Variants in PIK3R2 observed in about 807,000 individuals in gnomAD.
The protein encoded by PIK3R2 is phosphoinositide-3-kinase regulatory subunit 2.
PIK3R2 carries 40 observed loss-of-function variants against 78.5 expected under a neutral mutation model. The ratio of observed to expected loss-of-function variants is 0.51; its 90% CI spans 0.40 to 0.66. The LOEUF is 0.66. Among genes scored for constraint, PIK3R2 ranks in the 30% least tolerant of loss-of-function variants. The pLI is 0.00. For synonymous variants in PIK3R2, 473 were observed against 457.7 expected (o/e 1.03, Z -0.43); for missense variants, 880 against 1,026.6 (o/e 0.86, Z 1.95).
At chr19:18,158,510 C>CA (rs147802007) in intron 2 of PIK3R2, among the ~76,000 whole-genome samples, 8 of 145,002 alleles carry the variant, frequency 5.5e-5, no homozygotes, top group East Asian at 2.1e-4. Flanking sequence ...ACAACAACAA[C>CA]AACAACAAAA....
rs1301577117 is a variant in PIK3R2 at position 18,168,467 on chromosome 19, C to T, written c.1737-8C>T. 1.3e-6 allele frequency: 1 copy of T among 779,716 alleles called. No individual in the cohort carries two copies. 48.3% of individuals were successfully genotyped at this position (779,716 alleles called of 1,614,324 possible). On this transcript the variant is annotated splice_region_variant and splice_polypyrimidine_tract_variant and intron_variant, in intron 13 of 15. Coordinates refer to ENST00000222254, the MANE Select transcript of PIK3R2 (RefSeq NM_005027.4). This position sits in a 1 kb window ranked among gnomAD's most constrained non-coding sequence, Gnocchi z 4.1. ...CTGCACAAGCCCACCTTTCCTGTTC[C>T]TTCTCAGGTGGCTCACCCAGAAAGG... is the stretch of plus-strand genomic sequence containing the variant.
At chr19:18,166,017 G>A in intron 11 of PIK3R2, 143 bp from the exon 12 acceptor site, 1 of 1,030,450 alleles carries the variant, frequency 9.7e-7, no homozygotes, top group Admixed American at 1.7e-5. Flanking sequence ...AGTTCATTTG[G>A]TGCAGCAGGC....
At position 18,160,941 on chromosome 19, in the gene PIK3R2, C is replaced by T. The variant is rs1224299903; in HGVS notation, c.438C>T (p.Tyr146=). 1 of 1,611,726 alleles carries T rather than the reference C, an allele frequency of 6.2e-7. No homozygotes were observed. Among genetic ancestry groups the T allele is most frequent in the Non-Finnish European group, 8.5e-7 (1 of 1,179,408 alleles). ...CAGGGCTGGACAGCGAATCTCACTA[C>T]CGCCCGGAGCTGCCCGCACCGCGTA... ...ERTGLDSESH[Y]RPELPAPRTD... The change falls in exon 4 of 16, where the codon TAC becomes TAT. Residue 146 remains tyrosine (Y), a synonymous_variant. Transcript: ENST00000222254.
At position 18,156,055 on chromosome 19, in the gene PIK3R2, G is replaced by A. The variant is rs2043675857; in HGVS notation, c.176G>A (p.Gly59Asp). 1 of 1,562,438 alleles carries A rather than the reference G, an allele frequency of 6.4e-7. No individual in the cohort carries two copies. The highest frequency in any genetic ancestry group is 1.2e-5 in the South Asian group (1 of 85,250). ...CCACAGAGCGTGGGCTGGATGCCCG[G>A]CCTCAACGAGCGCACACGGCAGCGA... ...RCPQSVGWMP[G>D]LNERTRQRGD... The change falls in exon 2 of 16, where the codon GGC becomes GAC. Residue 59 changes from glycine (G) to aspartate (D), a missense_variant. Gly to Asp is a moderately conservative substitution (Grantham distance 94). Transcript: ENST00000222254. The surrounding 1 kb of genome is among the most constrained non-coding windows in gnomAD (Gnocchi z 4.2).
chr19:18,164,853 C>T (rs1408679781), intron 11 of PIK3R2, among the ~76,000 whole-genome samples: 2 of 144,678 alleles, frequency 1.4e-5, no homozygotes, highest in African/African-American at 2.5e-5. Flanking sequence ...CCAGGCTGGT[C>T]TCGAACTCCT....
In PIK3R2 at chr19:18,161,224, T is replaced by TAGCGGGTG; in HGVS notation, c.598+40_598+47dup. On this transcript the variant is annotated intron_variant, in intron 5 of 15. Coordinates refer to ENST00000222254, the MANE Select transcript of PIK3R2 (RefSeq NM_005027.4). This position sits in a 1 kb window ranked among gnomAD's most constrained non-coding sequence, Gnocchi z 5.3. ...GTAGCCCGGGGGAAGGAGGGGGCTG[T>TAGCGGGTG]AGCGGGTGGGAGGGCCCAGGCCTGG... 2 of 1,523,944 alleles carry TAGCGGGTG rather than the reference T, an allele frequency of 1.3e-6. No homozygotes were observed. The highest frequency in any genetic ancestry group is 1.8e-6 in the Non-Finnish European group (2 of 1,137,842). 94.4% of individuals were successfully genotyped at this position (1,523,944 alleles called of 1,614,324 possible). A position where few individuals can be genotyped will look rare whatever the true frequency, so the allele number is the denominator to read the frequency against.
Position 18,161,542 on chromosome 19 carries a change from TGGGGC to T in PIK3R2, c.815+51_815+55del. ...GAGCGAGCAGGGGTGGAGTTTGGGG[TGGGGC>T]GGGCGGGGCATGGCCAGAGTGAGCG... On this transcript the variant is annotated intron_variant, in intron 6 of 15. Coordinates refer to ENST00000222254, the MANE Select transcript of PIK3R2 (RefSeq NM_005027.4). This position sits in a 1 kb window ranked among gnomAD's most constrained non-coding sequence, Gnocchi z 5.3. The T allele has an allele frequency of 8.9e-6, 1 of 112,436 alleles. No individual in the cohort carries two copies. Among genetic ancestry groups the T allele is most frequent in the Non-Finnish European group, 1.5e-5 (1 of 65,798 alleles). 7.0% of individuals were successfully genotyped at this position (112,436 alleles called of 1,614,324 possible).
intron 2 of PIK3R2, among the ~76,000 whole-genome samples, chr19:18,157,174 G>A (rs1306105266): frequency 2.0e-5 from 3 of 152,188 alleles, no homozygotes. Context: ...GGCGGAATAG[G>A]GGGTGCTGAG....
Position 18,161,122 on chromosome 19 carries a change from C to A in PIK3R2, c.535C>A (p.Leu179Met), listed in dbSNP as rs1378228553. 1.3e-6 allele frequency: 2 copies of A among 1,578,128 alleles called. No homozygotes were observed. The highest frequency in any genetic ancestry group is 1.7e-6 in the Non-Finnish European group (2 of 1,162,914). Residue 179 changes from leucine (L) to methionine (M), a missense_variant, in exon 5 of 16, where the codon CTG (leucine) becomes ATG (methionine). This residue lies in a region of PIK3R2 where 456 missense variants were observed against 486.6 expected (regional missense o/e 0.94). Transcript: ENST00000222254. The surrounding 1 kb of genome is among the most constrained non-coding windows in gnomAD (Gnocchi z 5.3). ...ALADGIKSFL[L>M]ALPAPLVTPE... The stretch of plus-strand genomic sequence containing the variant: ...GGCTGACGGCATTAAGAGCTTCCTG[C>A]TGGCACTGCCCGCGCCGCTCGTGAC...
intron 3 of PIK3R2, 162 bp downstream of exon 3, chr19:18,160,725 G>A (rs2043732837): frequency 1.2e-6 from 1 of 852,644 alleles, no homozygotes; most frequent in African/African-American, 1.7e-5. Context: ...TGACTCCTAA[G>A]GGAAGATGGG....
chr19:18,160,575 C>G lies in PIK3R2; in HGVS notation c.415+12C>G. 6.3e-7 allele frequency: 1 copy of G among 1,596,148 alleles called. No homozygotes were observed. Among genetic ancestry groups the G allele is most frequent in the South Asian group, 1.1e-5 (1 of 90,072 alleles). The stretch of plus-strand genomic sequence containing the variant: ...CATTGAAAGGACAGGTAAGTTCCAG[C>G]CTGGCTGCAGCCCCTGGATTCTGCT... On this transcript the variant is annotated intron_variant, in intron 3 of 15. Transcript: ENST00000222254.
Position 18,162,049 on chromosome 19 carries a change from C to T in PIK3R2, c.899C>T (p.Pro300Leu). The T allele has an allele frequency of 1.2e-6, 2 of 1,613,452 alleles. No individual in the cohort carries two copies. The highest frequency in any genetic ancestry group is 1.7e-6 in the Non-Finnish European group (2 of 1,179,580). The change falls in exon 7 of 16, where the codon CCA becomes CTA. Residue 300 changes from proline to leucine, a missense_variant and splice_region_variant. This residue lies in a region of PIK3R2 where 456 missense variants were observed against 486.6 expected (regional missense o/e 0.94). Transcript: ENST00000222254. ...EHLEEQEVAP[P>L]ALPPKPPKAK... ...TTGGAAGAGCAGGAGGTTGCGCCCC[C>T]AGGTGAGTCCCCTGTATTGCTGTCA...
In PIK3R2 at chr19:18,160,452, C is replaced by T; in HGVS notation, c.323-19C>T. 6.7e-7 allele frequency: 1 copy of T among 1,484,166 alleles called. No homozygotes were observed. Among genetic ancestry groups the T allele is most frequent in the South Asian group, 1.1e-5 (1 of 88,498 alleles). 91.9% of individuals were successfully genotyped at this position (1,484,166 alleles called of 1,614,324 possible). A position where few individuals can be genotyped will look rare whatever the true frequency, so the allele number is the denominator to read the frequency against. On this transcript the variant is annotated intron_variant, in intron 2 of 15. Coordinates refer to ENST00000222254, the MANE Select transcript of PIK3R2 (RefSeq NM_005027.4). The stretch of plus-strand genomic sequence containing the variant: ...CCAGGAACCCCACCAACATGCAACC[C>T]CCCTGTTTCCCCCACCAGGCCTCAC...
chr19:18,167,382 A>T lies in PIK3R2; in HGVS notation c.1736+76A>T. ...ACATGGAGATCTCTCTAGGAGTCTCAGTCTCTCTCTCTCCACCAAGTGGCC... is the reference window on the plus strand; with the variant it reads ...ACATGGAGATCTCTCTAGGAGTCTCTGTCTCTCTCTCTCCACCAAGTGGCC... On this transcript the variant is annotated intron_variant, in intron 13 of 15. Transcript: ENST00000222254. This position sits in a 1 kb window ranked among gnomAD's most constrained non-coding sequence, Gnocchi z 4.5. 7.8e-7 allele frequency: 1 copy of T among 1,274,398 alleles called. No individual in the cohort carries two copies. The highest frequency in any genetic ancestry group is 1.1e-6 in the Non-Finnish European group (1 of 944,446). The allele number at this position is 1,274,398 out of a possible 1,614,324, so 78.9% of individuals were successfully genotyped here. A position where few individuals can be genotyped will look rare whatever the true frequency, so the allele number is the denominator to read the frequency against.
Position 18,169,808 on chromosome 19 carries a change from C to T in PIK3R2, c.*514C>T, listed in dbSNP as rs949934917. ...GTGACATTCGGGGCCGGGCGGGACC[C>T]GCCCCACAGACTCCAACTTCCCCTC... is the stretch of plus-strand genomic sequence containing the variant. On this transcript the variant is annotated 3_prime_UTR_variant, in exon 16 of 16. Transcript: ENST00000222254. The T allele has an allele frequency of 1.9e-5, 4 of 205,916 alleles. No individual in the cohort carries two copies. The highest frequency in any genetic ancestry group is 3.0e-5 in the Non-Finnish European group (3 of 100,424). The allele number at this position is 205,916 out of a possible 1,614,324, so 12.8% of individuals were successfully genotyped here. A position where few individuals can be genotyped will look rare whatever the true frequency, so the allele number is the denominator to read the frequency against.
intron 1 of PIK3R2, among the ~76,000 whole-genome samples, chr19:18,154,423 C>T (rs2147943286): frequency 6.6e-6 from 1 of 152,254 alleles, no homozygotes; most frequent in Middle Eastern, 3.4e-3. Context: ...TACTCTGGGC[C>T]CCAGGCTGGA....
At chr19:18,160,702 A>G in intron 3 of PIK3R2, 139 bp downstream of exon 3, 1 of 887,140 alleles carries the variant, frequency 1.1e-6, no homozygotes, top group South Asian at 1.5e-5. Context: ...TCTATGTTGA[A>G]TAGGGCACAG....
In PIK3R2 at chr19:18,156,765, C is replaced by T. The variant is rs1458595152; in HGVS notation, c.322+564C>T. 6.6e-6 allele frequency among the ~76,000 whole-genome samples: 1 copy of T among 152,180 alleles called. No homozygotes were observed. The highest frequency in any genetic ancestry group is 1.5e-5 in the Non-Finnish European group (1 of 68,034). ...TGTGGGCTGCTCAGCTGAGGCCACACAGCACAGTGGGATATGAGGACCCCA... is the reference window on the plus strand; with the variant it reads ...TGTGGGCTGCTCAGCTGAGGCCACATAGCACAGTGGGATATGAGGACCCCA... On this transcript the variant is annotated intron_variant, in intron 2 of 15. Coordinates refer to ENST00000222254, the MANE Select transcript of PIK3R2 (RefSeq NM_005027.4). This position sits in a 1 kb window ranked among gnomAD's most constrained non-coding sequence, Gnocchi z 4.2.
intron 1 of PIK3R2, 147 bp from the exon 2 acceptor site, chr19:18,155,310 C>T (rs1402259216): frequency 1.1e-5 from 3 of 275,736 alleles, no homozygotes; most frequent in African/African-American, 6.5e-5. Flanking sequence ...ACCCATTTTA[C>T]AGATAGAGAA....
Sources: allele counts gnomAD v4.1 joint callset (sites outside exome capture counted in the v4.1 genomes callset), GRCh38; gene constraint gnomAD v4.1.1; regional missense constraint gnomAD v4.1.1; non-coding constraint Gnocchi (gnomAD v3.1); transcripts MANE v1.5; gene names NCBI Gene and HGNC (gene_info 2026-07-23, HGNC 2026-07-21).